The following ADAMTS20 variants were observed in gnomAD, a reference collection of about 807,000 sequenced individuals.
ADAMTS20 encodes the protein ADAM metallopeptidase with thrombospondin type 1 motif 20.
Under a neutral mutation model 260.1 loss-of-function variants are expected in ADAMTS20, and 225 were observed. That is an observed-to-expected ratio of 0.87 (90% confidence interval 0.78 to 0.97). The LOEUF (loss-of-function observed/expected upper bound fraction) is 0.97. Among genes scored for constraint, ADAMTS20 ranks in the 50% least tolerant of loss-of-function variants. The probability of loss-of-function intolerance (pLI) is 0.00; values close to 1 mark genes in which losing one functional copy is unlikely to be tolerated. For synonymous variants in ADAMTS20, 802 were observed against 769.5 expected, an observed-to-expected ratio of 1.04 and a Z score of -0.70; for missense variants, 2,400 against 2,337.7, an observed-to-expected ratio of 1.03 and a Z score of -0.55.
rs1203604753 is a variant in ADAMTS20 at position 43,424,040 on chromosome 12, T to G, written c.4284+1474A>C. The G allele has an allele frequency of 2.3e-5, 14 of 612,394 alleles. No individual in the cohort carries two copies. The East Asian group carries it at 3.6e-4, about 16-fold the overall frequency. 37.9% of individuals were successfully genotyped at this position (612,394 alleles called of 1,614,324 possible). A position where few individuals can be genotyped will look rare whatever the true frequency, so the allele number is the denominator to read the frequency against. On this transcript the variant is annotated intron_variant, in intron 28 of 38. Coordinates refer to ENST00000389420, the MANE Select transcript of ADAMTS20 (RefSeq NM_025003.5). ...TCTTCAAATAACATGACTTGAAACT[T>G]GGGTTTATATCTTATTATAAAGATG...
intron 18 of ADAMTS20, among the ~76,000 whole-genome samples, chr12:43,438,766 T>C (rs1941604120): frequency 6.6e-6 from 1 of 152,140 alleles, no homozygotes; most frequent in Non-Finnish European, 1.5e-5. Flanking sequence ...TCCCAAGCTA[T>C]TTCTCTATTC....
intron 6 of ADAMTS20, among the ~76,000 whole-genome samples, chr12:43,491,218 G>A (rs1470933608): frequency 6.6e-6 from 1 of 152,060 alleles, no homozygotes; most frequent in South Asian, 2.1e-4. Flanking sequence ...ACAAATGTCT[G>A]TAGCATTCAG....
At chr12:43,380,580 C>T (rs1940328149) in intron 31 of ADAMTS20, among the ~76,000 whole-genome samples, 1 of 151,886 alleles carries the variant, frequency 6.6e-6, no homozygotes, top group Admixed American at 6.6e-5. Context: ...AAAAAATTTT[C>T]AATACACAAA....
chr12:43,549,621 A>G (rs1180913296), intron 2 of ADAMTS20, among the ~76,000 whole-genome samples: 1 of 152,180 alleles, frequency 6.6e-6, no homozygotes, highest in Non-Finnish European at 1.5e-5. Flanking sequence ...TTTTCCAGAC[A>G]AACTAAACAT....
Position 43,378,414 on chromosome 12 carries a change from A to G in ADAMTS20, c.4798-852T>C, listed in dbSNP as rs145634679. On this transcript the variant is annotated intron_variant, in intron 31 of 38. Coordinates refer to ENST00000389420, the MANE Select transcript of ADAMTS20 (RefSeq NM_025003.5). ...CTCTAATGATCACACAGAACCAAAT[A>G]TAGTGCCTATTCCCTCCAGCTAGAC... 7.7e-3 allele frequency among the ~76,000 whole-genome samples: 1,172 copies of G among 152,322 alleles called. 15 individuals carry two copies. The highest frequency in any genetic ancestry group is 0.026 in the African/African-American group (1,076 of 41,568).
At chr12:43,514,560 CAAAAAAAAAAAAAAAAAAAAAAAA>C (rs58435633) in intron 3 of ADAMTS20, among the ~76,000 whole-genome samples, 55 of 63,636 alleles carry the variant, frequency 8.6e-4, no homozygotes, top group Admixed American at 1.1e-3. Flanking sequence ...GACTCTATCT[CAAAAAAAAAAAAAAAAAAAAAAAA>C]AAAAAAAAAA....
rs2137210384 is a variant in ADAMTS20 at position 43,375,429 on chromosome 12, T to C, written c.5396A>G (p.Tyr1799Cys). 1 of 1,613,736 alleles carries C rather than the reference T, an allele frequency of 6.2e-7. No homozygotes were observed. Among genetic ancestry groups the C allele is most frequent in the Non-Finnish European group, 8.5e-7 (1 of 1,179,716 alleles). ...ECDNGHLAAG[Y>C]TVFSKIRIDL... ...AATTCTTATTTTGCTGAAAACAGTG[T>C]ATCCAGCAGCTAAGTGTCCATTGTC... is the stretch of plus-strand genomic sequence containing the variant. Residue 1799 changes from tyrosine to cysteine, a missense_variant, in exon 36 of 39, where the codon TAC becomes TGC. Physicochemically the swap from Tyr to Cys is radical, Grantham distance 194. Transcript: ENST00000389420.
intron 3 of ADAMTS20, among the ~76,000 whole-genome samples, chr12:43,509,630 A>G (rs1356527475): frequency 6.6e-6 from 1 of 152,148 alleles, no homozygotes; most frequent in Admixed American, 6.5e-5. Context: ...AGAAGAAGAA[A>G]GCAAGGAGAT....
At position 43,462,981 on chromosome 12, in the gene ADAMTS20, A is replaced by G. The variant is rs778796825; in HGVS notation, c.1528T>C (p.Trp510Arg). The part of the protein sequence containing the change: ...CPHINICMHL[W>R]CTSTEKLHKG... ...TGAAGCTTTTCTGTGCTTGTGCACC[A>G]CAGATGCATGCATATATTCTCCTGA... Residue 510 changes from tryptophan (W) to arginine (R), a missense_variant, in exon 11 of 39, where the codon TGG (tryptophan) becomes CGG (arginine). By Grantham distance (101) the Trp-to-Arg change is moderately radical. Coordinates refer to ENST00000389420, the MANE Select transcript of ADAMTS20 (RefSeq NM_025003.5). 1.2e-6 allele frequency: 2 copies of G among 1,605,152 alleles called. No homozygotes were observed. Among genetic ancestry groups the G allele is most frequent in the Admixed American group, 1.7e-5 (1 of 58,808 alleles).
At position 43,454,006 on chromosome 12, in the gene ADAMTS20, G is replaced by A. The variant is rs1423533041; in HGVS notation, c.1661C>T (p.Pro554Leu). 1 of 1,613,688 alleles carries A rather than the reference G, an allele frequency of 6.2e-7. No individual in the cohort carries two copies. Among genetic ancestry groups the A allele is most frequent in the South Asian group, 1.1e-5 (1 of 91,048 alleles). Residue 554 changes from proline (P) to leucine (L), a missense_variant, in exon 12 of 39, where the codon CCT (proline) becomes CTT (leucine). Coordinates refer to ENST00000389420, the MANE Select transcript of ADAMTS20 (RefSeq NM_025003.5). The part of the protein sequence containing the change: ...LCVNKETETR[P>L]VNGEWGPWEP... ...CCATGGTCCCCATTCACCATTTACA[G>A]GACGTGTTTCCGTTTCTTTGTTTAC... is the stretch of plus-strand genomic sequence containing the variant.
chr12:43,480,068 C>A (rs1018390557), intron 7 of ADAMTS20, among the ~76,000 whole-genome samples: 2 of 152,058 alleles, frequency 1.3e-5, no homozygotes, highest in Non-Finnish European at 2.9e-5. Flanking sequence ...GAAAGAATAA[C>A]TTTTCAAATA....
intron 22 of ADAMTS20, among the ~76,000 whole-genome samples, chr12:43,430,854 C>A (rs916919164): frequency 6.6e-6 from 1 of 152,120 alleles, no homozygotes; most frequent in East Asian, 1.9e-4. Flanking sequence ...AAAGAAGGAA[C>A]AGCATATAAA....
At position 43,428,670 on chromosome 12, in the gene ADAMTS20, G is replaced by A. The variant is rs1213617689; in HGVS notation, c.3619C>T (p.Pro1207Ser). The change falls in exon 25 of 39, where the codon CCT (proline) becomes TCT (serine). Residue 1207 changes from proline to serine, a missense_variant. Pro to Ser is a moderately conservative substitution (Grantham distance 74). Transcript: ENST00000389420. ...RPAEIWDCFT[P>S]CGEWQAGDWS... ...TCCCCTGCTTGCCACTCTCCACAAG[G>A]GGTAAAACAGTCCCATATTTCAGCA... The A allele has an allele frequency of 6.2e-7, 1 of 1,609,710 alleles. No homozygotes were observed. The highest frequency in any genetic ancestry group is 8.5e-7 in the Non-Finnish European group (1 of 1,177,466).
intron 2 of ADAMTS20, among the ~76,000 whole-genome samples, chr12:43,542,189 G>A (rs1943385617): frequency 6.6e-6 from 1 of 152,064 alleles, no homozygotes; most frequent in African/African-American, 2.4e-5. Context: ...TCCTCAGATG[G>A]CCTCTCCCAA....
intron 29 of ADAMTS20, among the ~76,000 whole-genome samples, chr12:43,387,142 T>C (rs1291944465): frequency 2.0e-5 from 3 of 152,228 alleles, no homozygotes; most frequent in African/African-American, 7.2e-5. Flanking sequence ...CCTTTGGCCT[T>C]TGATGTTGGT....
At chr12:43,454,968 A>G (rs1016598854) in intron 11 of ADAMTS20, among the ~76,000 whole-genome samples, 4 of 152,204 alleles carry the variant, frequency 2.6e-5, no homozygotes, top group African/African-American at 9.6e-5. Flanking sequence ...AGTGTTAGGT[A>G]TACTCATTGT....
chr12:43,435,503 G>GT (rs1432685604), intron 18 of ADAMTS20, among the ~76,000 whole-genome samples: 1 of 151,710 alleles, frequency 6.6e-6, no homozygotes, highest in Non-Finnish European at 1.5e-5. Context: ...GCCAGGCGTG[G>GT]TGGTGGGTGC....
intron 28 of ADAMTS20, among the ~76,000 whole-genome samples, chr12:43,412,093 T>A (rs1278021046): frequency 1.3e-5 from 2 of 152,200 alleles, no homozygotes. Flanking sequence ...AAATGTTTAC[T>A]GAATAAAGAA....
chr12:43,518,862 T>C (rs866638975), intron 3 of ADAMTS20, among the ~76,000 whole-genome samples: 1 of 150,042 alleles, frequency 6.7e-6, no homozygotes, highest in South Asian at 2.1e-4. Flanking sequence ...TCTCTTACTC[T>C]CAGCCCTCAC....
Sources: gnomAD v4.1 joint callset for allele counts (sites outside exome capture counted in the v4.1 genomes callset) on GRCh38, gnomAD v4.1.1 for gene constraint, MANE v1.5 for transcripts, NCBI Gene and HGNC (gene_info 2026-07-23, HGNC 2026-07-21) for gene names.